The following AGBL1 variants were observed in gnomAD, a reference collection of about 807,000 sequenced individuals.
The protein encoded by AGBL1 is cytosolic carboxypeptidase 4.
In AGBL1, 130 loss-of-function variants were observed where a neutral mutation model predicts 118.9. That is an observed-to-expected ratio of 1.09 (90% CI 0.95 to 1.26). The LOEUF (loss-of-function observed/expected upper bound fraction) is 1.26. AGBL1 is among the 50% of genes most tolerant of loss of function. AGBL1 has a pLI of 0.00. For synonymous variants in AGBL1, 555 were observed against 478.9 expected (o/e 1.16, Z -2.08); for missense variants, 1,584 against 1,298.1 (o/e 1.22, Z -3.38).
chr15:86,786,033 G>A (rs1262226399), intron 22 of AGBL1, among the ~76,000 whole-genome samples: 1 of 152,132 alleles, frequency 6.6e-6, no homozygotes, highest in Admixed American at 6.6e-5. Flanking sequence ...GTAAATAGTT[G>A]TGAAGGGATT....
At chr15:86,976,534 C>T (rs1458339417) in intron 23 of AGBL1, among the ~76,000 whole-genome samples, 1 of 151,932 alleles carries the variant, frequency 6.6e-6, no homozygotes, top group African/African-American at 2.4e-5. Flanking sequence ...CTAACTTTTG[C>T]ATGCCTTTTT....
chr15:86,821,019 G>T (rs2078935754), intron 22 of AGBL1, among the ~76,000 whole-genome samples: 1 of 152,188 alleles, frequency 6.6e-6, no homozygotes, highest in Non-Finnish European at 1.5e-5. Context: ...ATGAGTTCAT[G>T]TCCTTTGCAG....
intron 18 of AGBL1, among the ~76,000 whole-genome samples, chr15:86,450,874 A>T (rs1395458400): frequency 2.0e-5 from 3 of 152,170 alleles, no homozygotes; most frequent in African/African-American, 7.2e-5. Context: ...ATTTATCTTC[A>T]TTAGTTACTG....
chr15:86,690,216 C>G (rs1039636248), intron 22 of AGBL1, among the ~76,000 whole-genome samples: 2 of 152,066 alleles, frequency 1.3e-5, no homozygotes, highest in Non-Finnish European at 2.9e-5. Context: ...AAATTAAAGT[C>G]TTGCTTATAG....
chr15:86,887,093 A>C (rs894460245), intron 22 of AGBL1, among the ~76,000 whole-genome samples: 6 of 152,204 alleles, frequency 3.9e-5, no homozygotes, highest in African/African-American at 1.4e-4. Flanking sequence ...AATTCCAATT[A>C]GACTGTTTAT....
At chr15:86,721,363 A>T (rs867630250) in intron 22 of AGBL1, among the ~76,000 whole-genome samples, 3 of 152,190 alleles carry the variant, frequency 2.0e-5, no homozygotes, top group African/African-American at 7.2e-5. Flanking sequence ...ATCAATAAAC[A>T]TAATCCAGCA....
chr15:86,286,572 C>G (rs921880155), intron 16 of AGBL1, among the ~76,000 whole-genome samples: 1 of 151,674 alleles, frequency 6.6e-6, no homozygotes, highest in Non-Finnish European at 1.5e-5. Flanking sequence ...GGTTATTTGT[C>G]TCTCTGCGCC....
intron 5 of AGBL1, among the ~76,000 whole-genome samples, chr15:86,179,519 A>T (rs2077524839): frequency 6.6e-6 from 1 of 152,158 alleles, no homozygotes; most frequent in Admixed American, 6.5e-5. Context: ...ACCATTTCCC[A>T]ATAAAAAGCG....
At chr15:86,430,285 A>G (rs1244455066) in intron 18 of AGBL1, among the ~76,000 whole-genome samples, 1 of 152,070 alleles carries the variant, frequency 6.6e-6, no homozygotes, top group East Asian at 1.9e-4. Flanking sequence ...TCACGAGGTC[A>G]GGAGATCGAG....
chr15:86,256,072 T>C (rs949488579), intron 7 of AGBL1, among the ~76,000 whole-genome samples: 2 of 152,288 alleles, frequency 1.3e-5, no homozygotes, highest in Non-Finnish European at 2.9e-5. Context: ...ACCAAGTCAG[T>C]AGACAAAACA....
intron 22 of AGBL1, among the ~76,000 whole-genome samples, chr15:86,887,453 C>T (rs11073681): frequency 0.24 from 37,150 of 152,026 alleles, 4,973 homozygotes; most frequent in East Asian, 0.43. Context: ...GCAGTTTATA[C>T]CTGCACCTCT....
At chr15:86,199,028 C>T (rs1453849371) in intron 5 of AGBL1, among the ~76,000 whole-genome samples, 1 of 152,084 alleles carries the variant, frequency 6.6e-6, no homozygotes, top group Non-Finnish European at 1.5e-5. Context: ...GTTTTCTAGT[C>T]GCTTTAATAC....
intron 22 of AGBL1, among the ~76,000 whole-genome samples, chr15:86,736,595 T>A (rs930594894): frequency 6.6e-6 from 1 of 152,174 alleles, no homozygotes; most frequent in African/African-American, 2.4e-5. Flanking sequence ...GCTATTCTCA[T>A]GTAATGTCAC....
intron 22 of AGBL1, among the ~76,000 whole-genome samples, chr15:86,856,273 C>G (rs1567209275): frequency 6.6e-6 from 1 of 152,188 alleles, no homozygotes; most frequent in Non-Finnish European, 1.5e-5. Flanking sequence ...AGTCCTCTTT[C>G]TCTGAGTGTG....
At chr15:86,240,048 T>C (rs191683365) in intron 6 of AGBL1, among the ~76,000 whole-genome samples, 1 of 152,356 alleles carries the variant, frequency 6.6e-6, no homozygotes, top group African/African-American at 2.4e-5. Context: ...TATTAACCTT[T>C]GGAGTCAGAT....
chr15:86,559,148 TAAG>T (rs1246209265), intron 21 of AGBL1, among the ~76,000 whole-genome samples: 2 of 152,188 alleles, frequency 1.3e-5, no homozygotes, highest in Admixed American at 1.3e-4. Context: ...CTTCTTCTTA[TAAG>T]GACACCAGAC....
intron 23 of AGBL1, among the ~76,000 whole-genome samples, chr15:86,957,411 T>C (rs927080529): frequency 2.0e-5 from 3 of 152,134 alleles, no homozygotes; most frequent in African/African-American, 7.2e-5. Context: ...CTCGTTTTTC[T>C]CAGATAGAGG....
chr15:86,519,037 T>C (rs1201898040), intron 18 of AGBL1, among the ~76,000 whole-genome samples: 1 of 152,022 alleles, frequency 6.6e-6, no homozygotes, highest in Non-Finnish European at 1.5e-5. Context: ...AAAAACAAAA[T>C]GAAGTGGATA....
intron 20 of AGBL1, among the ~76,000 whole-genome samples, chr15:86,549,708 T>A (rs149816991): frequency 6.6e-6 from 1 of 152,032 alleles, no homozygotes; most frequent in East Asian, 1.9e-4. Context: ...TCCAAGCAAC[T>A]GTTAAAATAT....
Sources: gnomAD v4.1 joint callset for allele counts (sites outside exome capture counted in the v4.1 genomes callset) on GRCh38, gnomAD v4.1.1 for gene constraint, MANE v1.5 for transcripts, NCBI Gene and HGNC (gene_info 2026-07-23, HGNC 2026-07-21) for gene names.